Variants in DRC1 observed in about 807,000 individuals in gnomAD.
DRC1 encodes dynein regulatory complex subunit 1, also known as dynein regulatory complex protein 1.
DRC1 carries 74 observed loss-of-function variants against 98.7 expected under a neutral mutation model. The ratio of observed to expected loss-of-function variants is 0.75; its 90% confidence interval spans 0.62 to 0.91. The LOEUF (loss-of-function observed/expected upper bound fraction) is 0.91. Ranked by LOEUF, DRC1 falls within the 40% of genes least tolerant of loss-of-function variation. DRC1 has a pLI of 0.00. For synonymous variants in DRC1, 336 were observed against 334.1 expected, an observed-to-expected ratio of 1.01 and a Z score of -0.06; for missense variants, 875 against 886.0, an observed-to-expected ratio of 0.99 and a Z score of 0.16.
chr2:26,444,233 T>A lies in DRC1; in HGVS notation c.1040T>A (p.Ile347Lys). 6.2e-7 allele frequency: 1 copy of A among 1,614,160 alleles called. No homozygotes were observed. Among genetic ancestry groups the A allele is most frequent in the Non-Finnish European group, 8.5e-7 (1 of 1,180,042 alleles). ...QKRKINRLHD[I>K]LNNLRSKYAK... Reference sequence around the variant, plus strand: ...TCTCCTTCAACCAGCCTGCATGATATACTTAACAATCTGAGATCAAAATAT... The same window carrying A: ...TCTCCTTCAACCAGCCTGCATGATAAACTTAACAATCTGAGATCAAAATAT... Residue 347 changes from isoleucine (I) to lysine (K), a missense_variant, in exon 9 of 17, where the codon ATA becomes AAA. Transcript: ENST00000288710.
At chr2:26,408,803 A>T (rs1245131614) in intron 1 of DRC1, among the ~76,000 whole-genome samples, 2 of 152,096 alleles carry the variant, frequency 1.3e-5, no homozygotes, top group Non-Finnish European at 2.9e-5. Context: ...AAAATAATAA[A>T]GACACTAACA....
intron 3 of DRC1, among the ~76,000 whole-genome samples, chr2:26,422,612 A>T (rs1663174237): frequency 6.6e-6 from 1 of 152,194 alleles, no homozygotes; most frequent in Non-Finnish European, 1.5e-5. Context: ...TTTCTTAAAC[A>T]ATTAGAAGAA....
chr2:26,432,924 T>C (rs1280274978), intron 7 of DRC1, among the ~76,000 whole-genome samples: 2 of 152,246 alleles, frequency 1.3e-5, no homozygotes, highest in African/African-American at 4.8e-5. Flanking sequence ...CAAAAGCCTA[T>C]ATTCTTCCCC....
chr2:26,402,269 G>A, intron 1 of DRC1, 125 bp downstream of exon 1: 1 of 1,394,138 alleles, frequency 7.2e-7, no homozygotes. Flanking sequence ...AAAACGCTGG[G>A]CCGGTGCCGT....
Position 26,439,936 on chromosome 2 carries a change from T to TATATATATATATATATATATATAC in DRC1, c.889-441_889-440insTATATATATATATATATATATACA, listed in dbSNP as rs548209014. ...ACTAGTGTGTGAATATATATATATA[T>TATATATATATATATATATATATAC]ACACACACACATACACACACACACA... On this transcript the variant is annotated intron_variant, in intron 7 of 16. Coordinates refer to ENST00000288710, the MANE Select transcript of DRC1 (RefSeq NM_145038.5). 6.0e-3 allele frequency among the ~76,000 whole-genome samples: 452 copies of TATATATATATATATATATATATAC among 75,458 alleles called. 30 individuals carry two copies. The highest frequency in any genetic ancestry group is 9.6e-3 in the Non-Finnish European group (299 of 31,184). 49.5% of individuals were successfully genotyped at this position (75,458 alleles called of 152,430 possible).
chr2:26,449,628 G>T (rs899754204), intron 11 of DRC1, among the ~76,000 whole-genome samples: 2 of 152,244 alleles, frequency 1.3e-5, no homozygotes, highest in Non-Finnish European at 2.9e-5. Flanking sequence ...TAGATATTTG[G>T]GGACAAGACT....
chr2:26,454,645 A>G lies in DRC1; in HGVS notation c.1920-2A>G, dbSNP rs1423492144. On this transcript the variant is annotated splice_acceptor_variant, in intron 14 of 16. Coordinates refer to ENST00000288710, the MANE Select transcript of DRC1 (RefSeq NM_145038.5). LOFTEE classifies it high-confidence loss of function. This position sits in a 1 kb window ranked among gnomAD's most constrained non-coding sequence, Gnocchi z 5.2. ...GACAATCACTGTGCTCTTGGCCTTCAGGGACTCGCGGGCCCCGCTGAGGGT... is the reference window on the plus strand; with the variant it reads ...GACAATCACTGTGCTCTTGGCCTTCGGGGACTCGCGGGCCCCGCTGAGGGT... The G allele has an allele frequency of 3.1e-6, 5 of 1,613,906 alleles. No homozygotes were observed. Among genetic ancestry groups the G allele is most frequent in the Non-Finnish European group, 4.2e-6 (5 of 1,179,950 alleles).
chr2:26,441,911 G>A (rs1416928854), intron 8 of DRC1, among the ~76,000 whole-genome samples: 1 of 152,034 alleles, frequency 6.6e-6, no homozygotes, highest in Non-Finnish European at 1.5e-5. Flanking sequence ...TTCCTTTCCT[G>A]CTCACCACCA....
At chr2:26,446,308 G>A (rs966155360) in intron 10 of DRC1, among the ~76,000 whole-genome samples, 1 of 151,984 alleles carries the variant, frequency 6.6e-6, no homozygotes, top group African/African-American at 2.4e-5. Flanking sequence ...ATGTTGCCCA[G>A]GCTGGTCTCA....
At chr2:26,413,186 A>G (rs567154286) in intron 1 of DRC1, among the ~76,000 whole-genome samples, 36 of 152,316 alleles carry the variant, frequency 2.4e-4, no homozygotes, top group Middle Eastern at 3.4e-3. Context: ...GTTAGGTATT[A>G]CATCATTCTT....
At chr2:26,431,341 G>T (rs1383068845) in intron 6 of DRC1, among the ~76,000 whole-genome samples, 1 of 152,200 alleles carries the variant, frequency 6.6e-6, no homozygotes, top group African/African-American at 2.4e-5. Flanking sequence ...TGGCCTTGCA[G>T]ATGGGGATTG....
chr2:26,429,805 G>T (rs746954632), intron 5 of DRC1, 40 bp downstream of exon 5: 1 of 1,607,722 alleles, frequency 6.2e-7, no homozygotes, highest in Non-Finnish European at 8.5e-7. Flanking sequence ...GCTCTTGGAG[G>T]GCCCCTGGGA....
At chr2:26,418,880 A>T (rs1425006866) in intron 2 of DRC1, among the ~76,000 whole-genome samples, 2 of 140,978 alleles carry the variant, frequency 1.4e-5, no homozygotes, top group Non-Finnish European at 3.0e-5. Flanking sequence ...ATTATATATT[A>T]TATATATTAT....
Position 26,444,793 on chromosome 2 carries a change from C to G in DRC1, c.1241C>G (p.Ala414Gly). 6.2e-7 allele frequency: 1 copy of G among 1,614,190 alleles called. No homozygotes were observed. The highest frequency in any genetic ancestry group is 1.3e-5 in the African/African-American group (1 of 75,046). The change falls in exon 10 of 17, where the codon GCC becomes GGC. Residue 414 changes from alanine to glycine, a missense_variant. Transcript: ENST00000288710. ...MNEEEAKDLI[A>G]RAFDVDRIIH... ...GAAGAGGAGGCGAAGGACCTAATAG[C>G]CAGAGCCTTTGATGTGGACAGGATC...
At chr2:26,418,704 T>A (rs868260722) in intron 2 of DRC1, among the ~76,000 whole-genome samples, 71 of 89,484 alleles carry the variant, frequency 7.9e-4, no homozygotes, top group South Asian at 7.2e-3. Flanking sequence ...TAAATTATAT[T>A]TAATTTATAT....
chr2:26,456,437 C>T (rs373480012), intron 16 of DRC1, 24 bp from the exon 17 acceptor site: 18 of 1,613,764 alleles, frequency 1.1e-5, no homozygotes, highest in South Asian at 5.5e-5. Flanking sequence ...AAAAATGTAA[C>T]GACTTTCACC....
At chr2:26,413,829 T>C (rs1302872914) in intron 1 of DRC1, among the ~76,000 whole-genome samples, 2 of 152,112 alleles carry the variant, frequency 1.3e-5, no homozygotes, top group African/African-American at 4.8e-5. Context: ...CTGACTTTGG[T>C]CTTATTCAAA....
chr2:26,403,973 G>A lies in DRC1; in HGVS notation c.155+1829G>A, dbSNP rs61397312. 8.3e-3 allele frequency among the ~76,000 whole-genome samples: 1,244 copies of A among 150,728 alleles called. 24 individuals carry two copies. Among genetic ancestry groups the A allele is most frequent in the African/African-American group, 0.029 (1,172 of 40,982 alleles). ...AAATTAGCCAGGCATGGTGGCGCGC[G>A]CCTGTAATCCCAGCTACTCAGGAGA... On this transcript the variant is annotated intron_variant, in intron 1 of 16. Coordinates refer to ENST00000288710, the MANE Select transcript of DRC1 (RefSeq NM_145038.5).
chr2:26,415,433 G>T (rs1678765949), intron 2 of DRC1, among the ~76,000 whole-genome samples: 1 of 152,164 alleles, frequency 6.6e-6, no homozygotes, highest in Non-Finnish European at 1.5e-5. Flanking sequence ...CATTTCTGGT[G>T]AGAAAAAATA....
Sources: allele counts gnomAD v4.1 joint callset (sites outside exome capture counted in the v4.1 genomes callset), GRCh38; gene constraint gnomAD v4.1.1; non-coding constraint Gnocchi (gnomAD v3.1); transcripts MANE v1.5; gene names NCBI Gene and HGNC (gene_info 2026-07-23, HGNC 2026-07-21).